The following UNC5D variants were observed in gnomAD, a reference collection of about 807,000 sequenced individuals.
The protein encoded by UNC5D is netrin receptor UNC5D.
UNC5D carries 39 observed loss-of-function variants against 105.4 expected under a neutral mutation model. The observed-to-expected ratio is 0.37, with a 90% CI of 0.29 to 0.48. The LOEUF (loss-of-function observed/expected upper bound fraction) is 0.48, where lower values mean the gene tolerates loss of function less well. Ranked by LOEUF, UNC5D falls within the 20% of genes least tolerant of loss-of-function variation. The pLI, the probability that UNC5D is intolerant of heterozygous loss-of-function variation, is 0.98. For synonymous variants in UNC5D, 452 were observed against 450.4 expected, an observed-to-expected ratio of 1.00 and a Z score of -0.04; for missense variants, 991 against 1,202.4, an observed-to-expected ratio of 0.82 and a Z score of 2.60.
chr8:35,481,529 A>C (rs970713857), intron 1 of UNC5D, among the ~76,000 whole-genome samples: 6 of 152,192 alleles, frequency 3.9e-5, no homozygotes, highest in African/African-American at 1.4e-4. Flanking sequence ...CAACATTTCC[A>C]TTGACTTTCT....
chr8:35,652,198 C>G (rs1051658949), intron 4 of UNC5D, among the ~76,000 whole-genome samples: 10 of 152,022 alleles, frequency 6.6e-5, no homozygotes, highest in African/African-American at 2.4e-4. Context: ...AGCCAGAAGG[C>G]AAAATGTTAT....
chr8:35,534,257 G>T (rs1268759416), intron 1 of UNC5D, among the ~76,000 whole-genome samples: 1 of 152,086 alleles, frequency 6.6e-6, no homozygotes, highest in African/African-American at 2.4e-5. Context: ...AATGCTGTTT[G>T]TCAGCTTTCT....
intron 1 of UNC5D, among the ~76,000 whole-genome samples, chr8:35,347,437 G>A (rs570891420): frequency 1.6e-4 from 24 of 152,036 alleles, no homozygotes; most frequent in Non-Finnish European, 2.2e-4. Context: ...AATGTGTGTC[G>A]TTATTTTCAT....
intron 1 of UNC5D, among the ~76,000 whole-genome samples, chr8:35,343,136 T>C (rs576703955): frequency 1.3e-5 from 2 of 152,110 alleles, no homozygotes; most frequent in South Asian, 4.1e-4. Context: ...CTGGGGACTT[T>C]ACTTGGAGAA....
chr8:35,350,474 A>G (rs1812161402), intron 1 of UNC5D, among the ~76,000 whole-genome samples: 1 of 152,130 alleles, frequency 6.6e-6, no homozygotes, highest in South Asian at 2.1e-4. Flanking sequence ...TATTTGTTTA[A>G]TGTTTGAATA....
intron 4 of UNC5D, among the ~76,000 whole-genome samples, chr8:35,632,059 G>A (rs1358260115): frequency 6.6e-6 from 1 of 152,136 alleles, no homozygotes; most frequent in African/African-American, 2.4e-5. Flanking sequence ...AAGCCATGCT[G>A]TTCTTCCCCA....
intron 1 of UNC5D, among the ~76,000 whole-genome samples, chr8:35,406,573 G>C (rs1431228637): frequency 1.3e-5 from 2 of 152,150 alleles, no homozygotes; most frequent in African/African-American, 4.8e-5. Context: ...GACAGTACCA[G>C]CTTCAGCTTC....
chr8:35,331,222 T>TG (rs961241361), intron 1 of UNC5D, among the ~76,000 whole-genome samples: 36 of 152,104 alleles, frequency 2.4e-4, no homozygotes, highest in African/African-American at 7.5e-4. Flanking sequence ...AGAGTTATAT[T>TG]GGGGGGCCAT....
rs1563443351 is a variant in UNC5D, at chr8:35,463,895, CT to C, written c.104-85391del. On this transcript the variant is annotated intron_variant, in intron 1 of 16. Transcript: ENST00000404895. ...ATTATATATACTCTGAAACCATTTG[CT>C]TTTTTAGCTAAATGTAAAGTGCTTA... Among the ~76,000 whole-genome samples, 9 of 152,162 alleles carry C rather than the reference CT, an allele frequency of 5.9e-5. No homozygotes were observed. The South Asian group carries it at 1.7e-3, about 28-fold the overall frequency.
At chr8:35,505,792 A>C (rs945439405) in intron 1 of UNC5D, among the ~76,000 whole-genome samples, 1 of 152,200 alleles carries the variant, frequency 6.6e-6, no homozygotes, top group Admixed American at 6.5e-5. Context: ...AAGTCAGGAA[A>C]GTGATTTTGC....
At chr8:35,489,048 C>A (rs557984897) in intron 1 of UNC5D, among the ~76,000 whole-genome samples, 1 of 151,794 alleles carries the variant, frequency 6.6e-6, no homozygotes, top group African/African-American at 2.4e-5. Flanking sequence ...ACTGTGTCAC[C>A]TAGGCTGGAG....
chr8:35,484,111 A>T (rs571876009), intron 1 of UNC5D, among the ~76,000 whole-genome samples: 14 of 152,326 alleles, frequency 9.2e-5, no homozygotes, highest in Admixed American at 2.6e-4. Context: ...GTAGTGAATT[A>T]AGCGTTATTT....
At chr8:35,324,342 A>G (rs1010402384) in intron 1 of UNC5D, among the ~76,000 whole-genome samples, 1 of 151,706 alleles carries the variant, frequency 6.6e-6, no homozygotes, top group African/African-American at 2.4e-5. Flanking sequence ...GCCAAGTATC[A>G]TGCAAGACAT....
chr8:35,372,281 A>G (rs1197786450), intron 1 of UNC5D, among the ~76,000 whole-genome samples: 3 of 151,690 alleles, frequency 2.0e-5, no homozygotes, highest in Non-Finnish European at 4.4e-5. Flanking sequence ...GCACTACCAT[A>G]CCTGGTTACG....
At chr8:35,579,339 A>G (rs988038905) in intron 3 of UNC5D, among the ~76,000 whole-genome samples, 5 of 152,204 alleles carry the variant, frequency 3.3e-5, no homozygotes. Flanking sequence ...TCCATGGGTA[A>G]TTATCTAGCA....
intron 1 of UNC5D, among the ~76,000 whole-genome samples, chr8:35,292,314 G>T (rs1433581317): frequency 6.6e-6 from 1 of 152,166 alleles, no homozygotes; most frequent in Admixed American, 6.5e-5. Context: ...TATCTATTAT[G>T]TGAGGATTTT....
At chr8:35,255,651 A>G (rs554500283) in intron 1 of UNC5D, 1 of 152,182 alleles carries the variant, frequency 6.6e-6, no homozygotes, top group Non-Finnish European at 1.5e-5. Flanking sequence ...CTGTAGACAC[A>G]GAGAAATTGG....
chr8:35,313,891 G>A (rs72633555), intron 1 of UNC5D, among the ~76,000 whole-genome samples: 169 of 152,234 alleles, frequency 1.1e-3, no homozygotes, highest in South Asian at 4.4e-3. Flanking sequence ...AATGTAGCCC[G>A]TTGTCATTAT....
At chr8:35,540,976 T>C (rs1311634385) in intron 1 of UNC5D, among the ~76,000 whole-genome samples, 1 of 152,208 alleles carries the variant, frequency 6.6e-6, no homozygotes, top group Admixed American at 6.5e-5. Context: ...GCTTTCTTTC[T>C]ATAATCTAGT....
Sources: allele counts gnomAD v4.1 joint callset (sites outside exome capture counted in the v4.1 genomes callset), GRCh38; gene constraint gnomAD v4.1.1; transcripts MANE v1.5; gene names NCBI Gene and HGNC (gene_info 2026-07-23, HGNC 2026-07-21).